Variants in PES1 observed in about 807,000 individuals in gnomAD.
The protein encoded by PES1 is pescadillo homolog.
A neutral mutation model predicts 77.1 loss-of-function variants in PES1; 31 were observed. The ratio of observed to expected loss-of-function variants is 0.40; its 90% CI spans 0.30 to 0.54. The LOEUF (loss-of-function observed/expected upper bound fraction) is 0.54, where lower values mean the gene tolerates loss of function less well. Among genes scored for constraint, PES1 ranks in the 20% least tolerant of loss-of-function variants. The probability of loss-of-function intolerance (pLI) is 0.45; values close to 1 mark genes in which losing one functional copy is unlikely to be tolerated. For missense variants in PES1, 658 were observed against 771.7 expected (o/e 0.85, Z 1.75); for synonymous variants, 282 against 303.0 (o/e 0.93, Z 0.72).
intron 10 of PES1, among the ~76,000 whole-genome samples, 184 bp downstream of exon 10, chr22:30,580,387 C>T (rs1057348906): frequency 3.3e-5 from 5 of 152,216 alleles, no homozygotes; most frequent in Admixed American, 1.3e-4. Context: ...AATAAAATGA[C>T]GGCAGTTCCG....
chr22:30,583,436 A>C (rs377206902), intron 6 of PES1, among the ~76,000 whole-genome samples: 1 of 152,330 alleles, frequency 6.6e-6, no homozygotes, highest in East Asian at 1.9e-4. Flanking sequence ...TGCTAACTGG[A>C]CCGGCAGCGG....
At chr22:30,597,018 C>T (rs565604396) in intron 2 of PES1, among the ~76,000 whole-genome samples, 2 of 152,216 alleles carry the variant, frequency 1.3e-5, no homozygotes, top group East Asian at 1.9e-4. Flanking sequence ...CCAGCCGCTG[C>T]GGAGAGTGCG....
intron 2 of PES1, chr22:30,598,398 C>T (rs2087298983): frequency 6.4e-6 from 1 of 155,924 alleles, no homozygotes; most frequent in Non-Finnish European, 1.4e-5. Flanking sequence ...ATTCCGGACA[C>T]AGTACTATGC....
chr22:30,605,458 C>T (rs1415141047), intron 2 of PES1: 10 of 985,298 alleles, frequency 1.0e-5, no homozygotes, highest in Admixed American at 6.1e-5. Flanking sequence ...TGCTGCTTCT[C>T]ACCAGAGGCT....
At chr22:30,597,821 C>G (rs1238417326) in intron 2 of PES1, among the ~76,000 whole-genome samples, 3 of 151,268 alleles carry the variant, frequency 2.0e-5, no homozygotes, top group South Asian at 4.2e-4. Context: ...AGAATAAAAG[C>G]AGGCTGCCCG....
At chr22:30,590,263 C>T (rs969868977) in intron 1 of PES1, among the ~76,000 whole-genome samples, 5 of 152,186 alleles carry the variant, frequency 3.3e-5, no homozygotes, top group Non-Finnish European at 5.9e-5. Flanking sequence ...CTGTATCCCT[C>T]GATAGAGACA....
chr22:30,604,574 G>A (rs1381670875), intron 2 of PES1, among the ~76,000 whole-genome samples: 1 of 151,908 alleles, frequency 6.6e-6, no homozygotes, highest in Non-Finnish European at 1.5e-5. Flanking sequence ...AGGGTGTAGT[G>A]AGCCGAGATC....
intron 14 of PES1, among the ~76,000 whole-genome samples, chr22:30,577,761 G>T (rs2086924515): frequency 6.6e-6 from 1 of 152,152 alleles, no homozygotes; most frequent in Non-Finnish European, 1.5e-5. Flanking sequence ...ATCCCAAAGT[G>T]CTGGGATTAC....
chr22:30,587,481 A>G, intron 3 of PES1, 86 bp from the exon 4 acceptor site: 1 of 992,312 alleles, frequency 1.0e-6, no homozygotes, highest in Non-Finnish European at 1.6e-6. Flanking sequence ...CGCAGGGCAG[A>G]AGGACTCTCA....
At chr22:30,600,002 T>G (rs992372914) in intron 2 of PES1, among the ~76,000 whole-genome samples, 1 of 152,146 alleles carries the variant, frequency 6.6e-6, no homozygotes, top group Non-Finnish European at 1.5e-5. Context: ...ATTAAATAAC[T>G]GCTCATTAAA....
In PES1 at chr22:30,589,269, T is replaced by C. The variant is rs200054421; in HGVS notation, c.26A>G (p.Tyr9Cys). ...GTAGTTGGTGGCCGAGCCTCGTTCA[T>C]ACTGGGAGAGGAAAAAAACAATTCT... Reference protein sequence around the residue: MGGLEKKKYERGSATNYIT... With the variant: MGGLEKKKCERGSATNYIT... Residue 9 changes from tyrosine (Y) to cysteine (C), a missense_variant and splice_region_variant, in exon 2 of 15, where the codon TAT becomes TGT. By Grantham distance (194) the Tyr-to-Cys change is radical. Transcript: ENST00000354694. 17 of 1,612,960 alleles carry C rather than the reference T, an allele frequency of 1.1e-5. No individual in the cohort carries two copies. In the Admixed American group the frequency reaches 2.2e-4, roughly 21 times the overall value.
rs1259282130 is a variant in PES1 at position 30,583,083 on chromosome 22, G to A, written c.630+1282C>T. ...CACCACAGGGCCCTATTCACCACCA[G>A]GGAGGACACACAAAGACCAGTCTGA... On this transcript the variant is annotated intron_variant, in intron 6 of 14. Transcript: ENST00000354694. Among the ~76,000 whole-genome samples the A allele has an allele frequency of 3.9e-5, 6 of 152,304 alleles. No individual in the cohort carries two copies. The South Asian group carries it at 8.3e-4, about 21-fold the overall frequency.
At chr22:30,594,530 T>C (rs1041255265), upstream of PES1, among the ~76,000 whole-genome samples, 1 of 151,430 alleles carries the variant, frequency 6.6e-6, no homozygotes, top group Non-Finnish European at 1.5e-5. Flanking sequence ...AAAAAAAAAA[T>C]TAGCTTGGCA....
intron 2 of PES1, among the ~76,000 whole-genome samples, chr22:30,597,632 T>G (rs1242178083): frequency 6.6e-6 from 1 of 150,964 alleles, no homozygotes; most frequent in African/African-American, 2.4e-5. Flanking sequence ...ATACACCAAT[T>G]AGCACTCTGT....
chr22:30,602,986 C>T (rs994199018), intron 2 of PES1, among the ~76,000 whole-genome samples: 1 of 152,122 alleles, frequency 6.6e-6, no homozygotes, highest in Non-Finnish European at 1.5e-5. Context: ...TCTTGGCTCA[C>T]TGCAACCTCT....
At chr22:30,597,033 G>T (rs1442062115) in intron 2 of PES1, among the ~76,000 whole-genome samples, 1 of 152,198 alleles carries the variant, frequency 6.6e-6, no homozygotes, top group Non-Finnish European at 1.5e-5. Context: ...AGTGCGCCAG[G>T]TTCCCCAGCA....
chr22:30,599,682 C>T (rs1224014483), intron 2 of PES1, among the ~76,000 whole-genome samples: 3 of 151,922 alleles, frequency 2.0e-5, no homozygotes, highest in African/African-American at 7.3e-5. Context: ...GGCGGATCAC[C>T]TGAGGTTGGG....
intron 2 of PES1, among the ~76,000 whole-genome samples, chr22:30,600,552 C>T (rs1048274499): frequency 1.1e-4 from 16 of 152,084 alleles, no homozygotes; most frequent in Admixed American, 9.2e-4. Flanking sequence ...TGTGGTGGCT[C>T]ATGCCTGTAA....
chr22:30,597,894 T>C (rs570051881), intron 2 of PES1, among the ~76,000 whole-genome samples: 2 of 143,750 alleles, frequency 1.4e-5, no homozygotes, highest in Admixed American at 6.9e-5. Flanking sequence ...TTTTTTTTTT[T>C]TTGTTTTGAG....
Sources: gnomAD v4.1 joint callset for allele counts (sites outside exome capture counted in the v4.1 genomes callset) on GRCh38, gnomAD v4.1.1 for gene constraint, MANE v1.5 for transcripts, NCBI Gene and HGNC (gene_info 2026-07-23, HGNC 2026-07-21) for gene names.